The following AREL1 variants were observed in gnomAD, a reference collection of about 807,000 sequenced individuals.
AREL1 encodes the protein apoptosis resistant E3 ubiquitin protein ligase 1.
AREL1 carries 62 observed loss-of-function variants against 99.0 expected under a neutral mutation model. That is an observed-to-expected ratio of 0.63 (90% CI 0.51 to 0.77). AREL1 has a LOEUF of 0.77. AREL1 is among the 30% of genes least tolerant of loss of function. The pLI is 0.00. For synonymous variants in AREL1, 380 were observed against 376.5 expected (o/e 1.01, Z -0.11); for missense variants, 879 against 1,027.6 (o/e 0.86, Z 1.98).
rs1491326259 is a variant in AREL1, at chr14:74,689,590, TTC to T, written c.-46+2449_-46+2450del. 2.2e-4 allele frequency among the ~76,000 whole-genome samples: 32 copies of T among 144,286 alleles called. 6 individuals are homozygous for T. The highest frequency in any genetic ancestry group is 4.1e-4 in the East Asian group (2 of 4,926). 94.7% of individuals were successfully genotyped at this position (144,286 alleles called of 152,430 possible). ...TGTTTTTATTTATCTTATAGCACTT[TTC>T]TTTTTTTTTTTTTTTTTTTTTTGGG... is the stretch of plus-strand genomic sequence containing the variant. On this transcript the variant is annotated intron_variant, in intron 2 of 19. Coordinates refer to ENST00000356357, the MANE Select transcript of AREL1 (RefSeq NM_001039479.2).
chr14:74,667,762 C>T (rs1167097888), intron 15 of AREL1, among the ~76,000 whole-genome samples, 168 bp from the exon 16 acceptor site: 2 of 152,202 alleles, frequency 1.3e-5, no homozygotes, highest in African/African-American at 2.4e-5. Context: ...AATTTAGTTC[C>T]TAAGCTTCAG....
chr14:74,676,077 G>T, intron 7 of AREL1, 64 bp downstream of exon 7: 1 of 1,572,938 alleles, frequency 6.4e-7, no homozygotes, highest in Admixed American at 1.7e-5. Flanking sequence ...TCAGACAAAA[G>T]AGTGCAAACA....
In AREL1 at chr14:74,687,169, T is replaced by TA. The variant is rs1461650450; in HGVS notation, c.-45-1510dup. On this transcript the variant is annotated intron_variant, in intron 2 of 19. Coordinates refer to ENST00000356357, the MANE Select transcript of AREL1 (RefSeq NM_001039479.2). ...TGAAATTTCTGGTCCTCAGGGAAGT[T>TA]ACAGCACTCAGCAAAGAAATGAAGT... is the stretch of plus-strand genomic sequence containing the variant. 2.6e-5 allele frequency among the ~76,000 whole-genome samples: 4 copies of TA among 152,192 alleles called. No homozygotes were observed. In the East Asian group the frequency reaches 7.7e-4, roughly 29 times the overall value.
At chr14:74,674,217 T>C in intron 8 of AREL1, 106 bp from the exon 9 acceptor site, 1 of 877,508 alleles carries the variant, frequency 1.1e-6, no homozygotes, top group Middle Eastern at 2.6e-4. Context: ...CTCATAACCT[T>C]TCCTCTCCAT....
chr14:74,683,155 A>T, intron 5 of AREL1, 141 bp downstream of exon 5: 1 of 672,280 alleles, frequency 1.5e-6, no homozygotes, highest in South Asian at 2.0e-5. Flanking sequence ...AAGAACCATT[A>T]AACTGTATAC....
intron 1 of AREL1, among the ~76,000 whole-genome samples, chr14:74,701,301 G>T (rs2090081125): frequency 6.6e-6 from 1 of 152,180 alleles, no homozygotes; most frequent in Admixed American, 6.5e-5. Context: ...TGCTGTTAAA[G>T]ACGTATCAGA....
At position 74,661,512 on chromosome 14, in the gene AREL1, C is replaced by T. The variant is rs985825186; in HGVS notation, c.*2208G>A. On this transcript the variant is annotated 3_prime_UTR_variant, in exon 20 of 20. Transcript: ENST00000356357. ...TAAAAGAACTGGCCAAAATAAGAAA[C>T]ACTAATAGAAAATTGCCCAAGAAAT... The T allele has an allele frequency of 7.1e-6, 2 of 280,142 alleles. No homozygotes were observed. Among genetic ancestry groups the T allele is most frequent in the Non-Finnish European group, 1.4e-5 (2 of 139,486 alleles). 17.4% of individuals were successfully genotyped at this position (280,142 alleles called of 1,614,324 possible). A position where few individuals can be genotyped will look rare whatever the true frequency, so the allele number is the denominator to read the frequency against.
At chr14:74,708,319 T>C (rs1594773350) in intron 1 of AREL1, among the ~76,000 whole-genome samples, 2 of 152,214 alleles carry the variant, frequency 1.3e-5, no homozygotes, top group Admixed American at 1.3e-4. Context: ...TCCCTAATCA[T>C]TGCCCCAATT....
rs766887113 is a variant in AREL1 at position 74,670,809 on chromosome 14, T to C, written c.1561A>G (p.Thr521Ala). 2.4e-5 allele frequency: 39 copies of C among 1,614,138 alleles called. No homozygotes were observed. Among genetic ancestry groups the C allele is most frequent in the Non-Finnish European group, 3.3e-5 (39 of 1,180,002 alleles). Residue 521 changes from threonine to alanine, a missense_variant, in exon 13 of 20, where the codon ACC (threonine) becomes GCC (alanine). Physicochemically the swap from Thr to Ala is moderately conservative, Grantham distance 58. Transcript: ENST00000356357. ...AACCGGGTGAAGAGCTGATTGGTGG[T>C]ATCAAATAGTGCTTTGCAGATTAGC... ...FELICKALFD[T>A]TNQLFTRFSD...
rs1255038245 is a variant in AREL1 at position 74,681,562 on chromosome 14, CAGG to C, written c.481+1731_481+1733del. ...GGCTGAGGCGAGCGGATCATGAGGT[CAGG>C]AGATCGAGACCATCCTGGCCAACAT... On this transcript the variant is annotated intron_variant, in intron 5 of 19. Transcript: ENST00000356357. Among the ~76,000 whole-genome samples the C allele has an allele frequency of 2.6e-5, 4 of 152,094 alleles. No homozygotes were observed. In the East Asian group the frequency reaches 7.7e-4, roughly 29 times the overall value.
intron 2 of AREL1, among the ~76,000 whole-genome samples, chr14:74,687,081 A>G (rs1323907571): frequency 6.6e-6 from 1 of 152,158 alleles, no homozygotes; most frequent in African/African-American, 2.4e-5. Flanking sequence ...TGGGACCAAA[A>G]CTGGCAGTTT....
chr14:74,703,674 T>A (rs2090126158), intron 1 of AREL1, among the ~76,000 whole-genome samples: 1 of 152,224 alleles, frequency 6.6e-6, no homozygotes, highest in Non-Finnish European at 1.5e-5. Flanking sequence ...GGTAGTTCAC[T>A]CCTTTTTCCT....
chr14:74,701,862 T>C (rs1458473976), intron 1 of AREL1: 1 of 152,124 alleles, frequency 6.6e-6, no homozygotes, highest in Non-Finnish European at 1.5e-5. Context: ...ATGGGAGAAA[T>C]TGGCCAAAAC....
Position 74,663,596 on chromosome 14 carries a change from C to T in AREL1, c.*124G>A. ...TGTAGGTGACAAAATCCTCCAGACA[C>T]AGGGGAGCATGCGGCATCTTCTGGC... On this transcript the variant is annotated 3_prime_UTR_variant, in exon 20 of 20. Coordinates refer to ENST00000356357, the MANE Select transcript of AREL1 (RefSeq NM_001039479.2). 9.9e-7 allele frequency: 1 copy of T among 1,011,900 alleles called. No homozygotes were observed. The highest frequency in any genetic ancestry group is 1.5e-6 in the Non-Finnish European group (1 of 646,308). 62.7% of individuals were successfully genotyped at this position (1,011,900 alleles called of 1,614,324 possible).
intron 1 of AREL1, among the ~76,000 whole-genome samples, chr14:74,707,274 C>T (rs970999347): frequency 4.0e-5 from 6 of 150,566 alleles, no homozygotes; most frequent in African/African-American, 9.8e-5. Context: ...AGGCTGAGGC[C>T]GGAGAATAGT....
chr14:74,662,678 ACCTGTGATAAGCACGTAAACTCCTAGTC>A lies in AREL1; in HGVS notation c.*1014_*1041del. On this transcript the variant is annotated 3_prime_UTR_variant, in exon 20 of 20. Transcript: ENST00000356357. The stretch of plus-strand genomic sequence containing the variant: ...CATCCCTAGTGTCCTGACGCCAAGG[ACCTGTGATAAGCACGTAAACTCCTAGTC>A]CCTGTTCCTTTGTCTTAGTGCTGCC... The A allele has an allele frequency of 2.5e-6, 1 of 398,500 alleles. No homozygotes were observed. The highest frequency in any genetic ancestry group is 4.4e-6 in the Non-Finnish European group (1 of 226,032). 24.7% of individuals were successfully genotyped at this position (398,500 alleles called of 1,614,324 possible).
In AREL1 at chr14:74,661,412, C is replaced by G; in HGVS notation, c.*2308G>C. 1 of 441,782 alleles carries G rather than the reference C, an allele frequency of 2.3e-6. No homozygotes were observed. Among genetic ancestry groups the G allele is most frequent in the South Asian group, 1.6e-5 (1 of 62,286 alleles). The allele number at this position is 441,782 out of a possible 1,614,324, so 27.4% of individuals were successfully genotyped here. ...CACTCTCCTAGGTATTCACTCATGTCTGGTCTCCTTCAAAGACGCTAAAAG... is the reference window on the plus strand; with the variant it reads ...CACTCTCCTAGGTATTCACTCATGTGTGGTCTCCTTCAAAGACGCTAAAAG... On this transcript the variant is annotated 3_prime_UTR_variant, in exon 20 of 20. Coordinates refer to ENST00000356357, the MANE Select transcript of AREL1 (RefSeq NM_001039479.2).
At chr14:74,675,667 G>A (rs1020153435) in intron 8 of AREL1, 32 bp downstream of exon 8, 1 of 1,604,918 alleles carries the variant, frequency 6.2e-7, no homozygotes, top group Non-Finnish European at 8.5e-7. Context: ...GTTCAAGCAG[G>A]GGGATTTTAT....
In AREL1 at chr14:74,667,581, A is replaced by G; in HGVS notation, c.1928T>C (p.Met643Thr). 6.2e-7 allele frequency: 1 copy of G among 1,612,202 alleles called. No homozygotes were observed. Among genetic ancestry groups the G allele is most frequent in the South Asian group, 1.1e-5 (1 of 90,676 alleles). Residue 643 changes from methionine (M) to threonine (T), a missense_variant, in exon 16 of 20, where the codon ATG (methionine) becomes ACG (threonine). Physicochemically the swap from Met to Thr is moderately conservative, Grantham distance 81. Coordinates refer to ENST00000356357, the MANE Select transcript of AREL1 (RefSeq NM_001039479.2). Reference sequence around the variant, plus strand: ...GACTGGAGTTTGAGCTCCACCTGTCATGAGTTCTACAACCTGTAACAGGCA... The same window carrying G: ...GACTGGAGTTTGAGCTCCACCTGTCGTGAGTTCTACAACCTGTAACAGGCA... ...SGQLDKVVEL[M>T]TGGAQTPVTN...
Sources: allele counts gnomAD v4.1 joint callset (sites outside exome capture counted in the v4.1 genomes callset), GRCh38; gene constraint gnomAD v4.1.1; transcripts MANE v1.5; gene names NCBI Gene and HGNC (gene_info 2026-07-23, HGNC 2026-07-21).